Variants in STK3 observed in about 807,000 individuals in gnomAD.
The protein encoded by STK3 is serine/threonine-protein kinase 3.
Under a neutral mutation model 58.0 loss-of-function variants are expected in STK3, and 41 were observed. The ratio of observed to expected loss-of-function variants is 0.71; its 90% CI spans 0.55 to 0.92. The LOEUF is 0.92. Ranked by LOEUF, STK3 falls within the 40% of genes least tolerant of loss-of-function variation. STK3 has a pLI of 0.00. For missense variants in STK3, 479 were observed against 602.7 expected, an observed-to-expected ratio of 0.79 and a Z score of 2.15; for synonymous variants, 170 against 191.0, an observed-to-expected ratio of 0.89 and a Z score of 0.91.
chr8:98,721,772 G>A (rs1453423199), intron 4 of STK3, among the ~76,000 whole-genome samples: 1 of 151,940 alleles, frequency 6.6e-6, no homozygotes, highest in Non-Finnish European at 1.5e-5. Context: ...ATTACCCCAG[G>A]GGTTACAATA....
chr8:98,721,130 T>C (rs1363605098), intron 4 of STK3: 2 of 985,108 alleles, frequency 2.0e-6, no homozygotes, highest in East Asian at 1.1e-4. Flanking sequence ...GGTGGCTTTA[T>C]GAGCATTTTA....
rs768558387 is a variant in STK3 at position 98,428,426 on chromosome 8, T to C, written n.483+5701A>G. ...AGGAGAGCACCACGTCTTCCTTCGATGAGATCCTTGCCTTCTACAACGACG... is the reference window on the plus strand; with the variant it reads ...AGGAGAGCACCACGTCTTCCTTCGACGAGATCCTTGCCTTCTACAACGACG... On this transcript the variant is annotated intron_variant and non_coding_transcript_variant, in intron 3 of 3. Coordinates refer to the STK3 transcript ENST00000517832. This position sits in a 1 kb window ranked among gnomAD's most constrained non-coding sequence, Gnocchi z 6.7. The C allele has an allele frequency of 3.7e-6, 6 of 1,612,450 alleles. No individual in the cohort carries two copies. The South Asian group carries it at 6.6e-5, about 18-fold the overall frequency.
intron 1 of STK3, chr8:98,438,858 G>C (rs992102900): frequency 6.6e-6 from 1 of 152,464 alleles, no homozygotes; most frequent in Admixed American, 6.5e-5. Flanking sequence ...CTGTGTCCAC[G>C]TGTCTGAGTG....
At chr8:98,681,777 T>C (rs367749500) in intron 6 of STK3, among the ~76,000 whole-genome samples, 4 of 152,224 alleles carry the variant, frequency 2.6e-5, no homozygotes, top group East Asian at 1.9e-4. Context: ...CTACAATTTC[T>C]TGAGTAGCTG....
At chr8:98,569,988 CTTATA>C (rs1812832698) in intron 8 of STK3, among the ~76,000 whole-genome samples, 1 of 144,278 alleles carries the variant, frequency 6.9e-6, no homozygotes, top group Non-Finnish European at 1.5e-5. Flanking sequence ...CATATCTATA[CTTATA>C]TTTAGGAAAA....
intron 9 of STK3, among the ~76,000 whole-genome samples, chr8:98,534,344 T>A (rs1161417097): frequency 1.3e-5 from 2 of 152,158 alleles, no homozygotes; most frequent in Non-Finnish European, 2.9e-5. Context: ...GTGGTAAACC[T>A]TTAGAACTTA....
chr8:98,897,526 C>T (rs577276311), intron 1 of STK3, among the ~76,000 whole-genome samples: 30 of 152,164 alleles, frequency 2.0e-4, no homozygotes, highest in South Asian at 6.2e-4. Context: ...ACCCGGGAGG[C>T]GGAGCTTGCA....
intron 1 of STK3, among the ~76,000 whole-genome samples, chr8:98,920,599 T>G (rs1839521626): frequency 6.6e-6 from 1 of 152,050 alleles, no homozygotes; most frequent in Non-Finnish European, 1.5e-5. Flanking sequence ...CCATTGTAGG[T>G]TTTTCTCAGG....
intron 7 of STK3, among the ~76,000 whole-genome samples, chr8:98,594,404 A>C (rs931822098): frequency 1.3e-5 from 2 of 152,180 alleles, no homozygotes; most frequent in South Asian, 4.1e-4. Flanking sequence ...GTTTGATACC[A>C]GCCTGATCAA....
chr8:98,798,159 AT>A (rs1833300182), intron 1 of STK3, among the ~76,000 whole-genome samples: 1 of 152,186 alleles, frequency 6.6e-6, no homozygotes, highest in African/African-American at 2.4e-5. Flanking sequence ...CAAACAAGTA[AT>A]CTAATGGCTA....
chr8:98,466,554 A>G (rs1312490388), intron 10 of STK3, among the ~76,000 whole-genome samples: 1 of 152,140 alleles, frequency 6.6e-6, no homozygotes. Context: ...CTATATCTAG[A>G]ACCTTCTCGC....
At chr8:98,827,612 C>A (rs982278833), upstream of STK3, among the ~76,000 whole-genome samples, 2 of 151,952 alleles carry the variant, frequency 1.3e-5, no homozygotes, top group African/African-American at 4.8e-5. Flanking sequence ...ATTTTAAGAC[C>A]ATTCATTTTT....
intron 6 of STK3, among the ~76,000 whole-genome samples, chr8:98,612,188 T>C (rs1172863187): frequency 3.3e-5 from 5 of 150,678 alleles, no homozygotes; most frequent in Non-Finnish European, 5.9e-5. Context: ...TCTAGGAAGA[T>C]AGAGTAGATG....
intron 10 of STK3, among the ~76,000 whole-genome samples, chr8:98,520,313 A>C (rs1179267038): frequency 1.3e-5 from 2 of 152,132 alleles, no homozygotes; most frequent in South Asian, 2.1e-4. Context: ...TGACATCATA[A>C]ATTCTTTTAT....
intron 6 of STK3, among the ~76,000 whole-genome samples, chr8:98,670,696 A>AC (rs964777540): frequency 1.3e-5 from 2 of 152,042 alleles, no homozygotes; most frequent in African/African-American, 4.8e-5. Flanking sequence ...TTCCAATACT[A>AC]CCTGTGGCCC....
At chr8:98,838,561 A>T (rs891269858) in intron 3 of STK3, among the ~76,000 whole-genome samples, 1 of 152,206 alleles carries the variant, frequency 6.6e-6, no homozygotes, top group Non-Finnish European at 1.5e-5. Flanking sequence ...CTTAGTAGAC[A>T]GAGAGAAGCT....
At chr8:98,415,140 C>T (rs952853927) in intron 3 of STK3, among the ~76,000 whole-genome samples, 3 of 152,206 alleles carry the variant, frequency 2.0e-5, no homozygotes, top group Non-Finnish European at 2.9e-5. Context: ...AAGGACACAA[C>T]GTCTCCACTT....
chr8:98,360,989 C>T, the STK3 span, among the ~76,000 whole-genome samples: 2 of 152,186 alleles, frequency 1.3e-5, no homozygotes, highest in Non-Finnish European at 2.9e-5. Flanking sequence ...TCTATAGCAC[C>T]CAAGCTCCAC....
At chr8:98,429,600 C>T (rs1818299528) in intron 3 of STK3, 3 of 576,484 alleles carry the variant, frequency 5.2e-6, no homozygotes, top group East Asian at 2.8e-5. Context: ...GTGTGTCTGA[C>T]ACCATGCCTT....
Sources: allele counts gnomAD v4.1 joint callset (sites outside exome capture counted in the v4.1 genomes callset), GRCh38; gene constraint gnomAD v4.1.1; non-coding constraint Gnocchi (gnomAD v3.1); transcripts MANE v1.5; gene names NCBI Gene and HGNC (gene_info 2026-07-23, HGNC 2026-07-21).